The following CDKAL1 variants were observed in gnomAD, a reference collection of about 807,000 sequenced individuals.
The protein encoded by CDKAL1 is CDKAL1 threonylcarbamoyladenosine tRNA methylthiotransferase.
In CDKAL1, 32 loss-of-function variants were observed where a neutral mutation model predicts 68.2. The ratio of observed to expected loss-of-function variants is 0.47; its 90% CI spans 0.35 to 0.63. The LOEUF is 0.63. Among genes scored for constraint, CDKAL1 ranks in the 30% least tolerant of loss-of-function variants. CDKAL1 has a pLI of 0.00. For synonymous variants in CDKAL1, 234 were observed against 244.3 expected (o/e 0.96, Z 0.39); for missense variants, 606 against 696.7 (o/e 0.87, Z 1.47).
chr6:20,783,724 C>T (rs1255208579), intron 8 of CDKAL1, among the ~76,000 whole-genome samples: 2 of 152,198 alleles, frequency 1.3e-5, no homozygotes, highest in African/African-American at 2.4e-5. Flanking sequence ...GCACTTTACA[C>T]ACTATGTCAT....
intron 8 of CDKAL1, among the ~76,000 whole-genome samples, chr6:20,791,797 A>G (rs1429150452): frequency 6.6e-6 from 1 of 152,146 alleles, no homozygotes; most frequent in Non-Finnish European, 1.5e-5. Context: ...ATAGAGATGT[A>G]TGACCATTGT....
chr6:21,006,169 C>T (rs1290675464), intron 11 of CDKAL1, among the ~76,000 whole-genome samples: 1 of 151,954 alleles, frequency 6.6e-6, no homozygotes, highest in Non-Finnish European at 1.5e-5. Flanking sequence ...TTCATGTGTG[C>T]TTATTGGAAC....
intron 8 of CDKAL1, among the ~76,000 whole-genome samples, chr6:20,802,980 A>T (rs1486300092): frequency 6.6e-6 from 1 of 152,214 alleles, no homozygotes; most frequent in Admixed American, 6.5e-5. Flanking sequence ...TGTCAGGATT[A>T]TTTGGGGACA....
chr6:21,135,617 A>G (rs1199248144), intron 13 of CDKAL1: 1 of 844,020 alleles, frequency 1.2e-6, no homozygotes, highest in Non-Finnish European at 1.4e-6. Flanking sequence ...ACATAATTAC[A>G]ACATAATTTA....
chr6:20,954,376 T>C (rs1318633794), intron 9 of CDKAL1, among the ~76,000 whole-genome samples: 10 of 152,240 alleles, frequency 6.6e-5, no homozygotes, highest in Non-Finnish European at 7.3e-5. Context: ...TTTAAAATTA[T>C]AATTTTAAGA....
intron 10 of CDKAL1, among the ~76,000 whole-genome samples, chr6:20,977,689 G>A (rs181640364): frequency 6.6e-6 from 1 of 152,268 alleles, no homozygotes; most frequent in East Asian, 1.9e-4. Flanking sequence ...ACCAGCCTGA[G>A]CAACCCAGCA....
intron 11 of CDKAL1, among the ~76,000 whole-genome samples, chr6:21,028,212 C>T (rs116322199): frequency 0.01 from 1,544 of 152,228 alleles, 28 homozygotes; most frequent in African/African-American, 0.035. Context: ...AACTCTGGCT[C>T]ACCTCCTGCA....
intron 5 of CDKAL1, among the ~76,000 whole-genome samples, chr6:20,672,144 CCCTCTCCCTCTCCTTCTG>C (rs1213265005): frequency 6.6e-6 from 1 of 151,834 alleles, no homozygotes; most frequent in African/African-American, 2.4e-5. Context: ...CCTTCCCTCT[CCCTCTCCCTCTCCTTCTG>C]CCTCTCCCTC....
At chr6:20,819,122 T>C (rs887702270) in intron 8 of CDKAL1, among the ~76,000 whole-genome samples, 1 of 152,134 alleles carries the variant, frequency 6.6e-6, no homozygotes, top group Non-Finnish European at 1.5e-5. Flanking sequence ...TTGGTTTTTT[T>C]CCCCTTCCAC....
intron 8 of CDKAL1, among the ~76,000 whole-genome samples, chr6:20,828,983 C>T (rs755415126): frequency 1.3e-5 from 2 of 152,110 alleles, no homozygotes; most frequent in African/African-American, 4.8e-5. Flanking sequence ...GCATAATGTT[C>T]TCAAGATTTA....
chr6:20,948,010 CTTTTTTT>C (rs541978769), intron 9 of CDKAL1, among the ~76,000 whole-genome samples: 1 of 115,182 alleles, frequency 8.7e-6, no homozygotes, highest in South Asian at 3.0e-4. Flanking sequence ...GTGAAGGTCA[CTTTTTTT>C]TTTTTTTTTT....
chr6:20,826,653 A>T lies in CDKAL1; in HGVS notation c.639-19422A>T, dbSNP rs538084346. On this transcript the variant is annotated intron_variant, in intron 8 of 15. Transcript: ENST00000274695. ...TGCATGTGAGTCATACTAATCACGA[A>T]CTCCGTCCTTCCTCCAACCTCTGAT... Among the ~76,000 whole-genome samples, 10 of 152,140 alleles carry T rather than the reference A, an allele frequency of 6.6e-5. No individual in the cohort carries two copies. The South Asian group carries it at 1.5e-3, about 22-fold the overall frequency.
intron 5 of CDKAL1, among the ~76,000 whole-genome samples, chr6:20,694,062 ATG>A (rs55981799): frequency 0.55 from 70,545 of 128,640 alleles, 17,767 homozygotes; most frequent in East Asian, 0.67. Context: ...GTGTGTGTGT[ATG>A]TGTGTGTGTG....
chr6:21,128,474 T>C (rs1004361131), intron 13 of CDKAL1, among the ~76,000 whole-genome samples: 1 of 152,264 alleles, frequency 6.6e-6, no homozygotes, highest in African/African-American at 2.4e-5. Context: ...GGGTTGACTT[T>C]ACCTGGCCAA....
chr6:20,830,277 C>A (rs562922134), intron 8 of CDKAL1, among the ~76,000 whole-genome samples: 2 of 152,284 alleles, frequency 1.3e-5, no homozygotes, highest in African/African-American at 4.8e-5. Flanking sequence ...ATATGACTCT[C>A]TTTTCCCTTT....
rs545539339 is a variant in CDKAL1, at chr6:20,903,718, C to T, written c.743-51701C>T. Among the ~76,000 whole-genome samples, 79 of 152,312 alleles carry T rather than the reference C, an allele frequency of 5.2e-4. 1 individual carries two copies. In the South Asian group the frequency reaches 8.7e-3, roughly 17 times the overall value. On this transcript the variant is annotated intron_variant, in intron 9 of 15. Transcript: ENST00000274695. ...CTGAAGCCCATGTGCATTTGTATCA[C>T]GGAGCAGAGTTGGGCTTGCTTTGTT...
At chr6:20,810,291 G>A (rs1281721902) in intron 8 of CDKAL1, among the ~76,000 whole-genome samples, 1 of 151,906 alleles carries the variant, frequency 6.6e-6, no homozygotes, top group Non-Finnish European at 1.5e-5. Flanking sequence ...GAAGCAAAGT[G>A]CAGGAGTTGT....
chr6:21,130,943 G>GT (rs1461743438), intron 13 of CDKAL1, among the ~76,000 whole-genome samples: 6 of 152,198 alleles, frequency 3.9e-5, no homozygotes, highest in East Asian at 1.9e-4. Flanking sequence ...CAGCAATACT[G>GT]TAAGTCCTCT....
At chr6:21,107,453 A>G (rs538558604) in intron 12 of CDKAL1, among the ~76,000 whole-genome samples, 8 of 151,290 alleles carry the variant, frequency 5.3e-5, no homozygotes, top group African/African-American at 1.9e-4. Flanking sequence ...ATTGAAATGG[A>G]GTCTCCCTCT....
Sources: allele counts gnomAD v4.1 joint callset (sites outside exome capture counted in the v4.1 genomes callset), GRCh38; gene constraint gnomAD v4.1.1; transcripts MANE v1.5; gene names NCBI Gene and HGNC (gene_info 2026-07-23, HGNC 2026-07-21).